Variants in ROBO2 observed in about 807,000 individuals in gnomAD.
ROBO2 encodes the protein roundabout homolog 2.
ROBO2 carries 53 observed loss-of-function variants against 160.8 expected under a neutral mutation model. That is an observed-to-expected ratio of 0.33 (90% confidence interval 0.26 to 0.41). The LOEUF (loss-of-function observed/expected upper bound fraction) is 0.41. Ranked by LOEUF, ROBO2 falls within the 10% of genes least tolerant of loss-of-function variation. The probability of loss-of-function intolerance (pLI) is 1.00; values close to 1 mark genes in which losing one functional copy is unlikely to be tolerated. For missense variants in ROBO2, 1,577 were observed against 1,722.4 expected (o/e 0.92, Z 1.49); for synonymous variants, 664 against 611.7 (o/e 1.09, Z -1.26).
chr3:77,258,606 G>T lies in ROBO2; in HGVS notation c.388+160266G>T, dbSNP rs553888964. 8.0e-5 allele frequency among the ~76,000 whole-genome samples: 11 copies of T among 138,286 alleles called. No homozygotes were observed. In the East Asian group the frequency reaches 2.2e-3, roughly 28 times the overall value. The allele number at this position is 138,286 out of a possible 152,430, so 90.7% of individuals were successfully genotyped here. On this transcript the variant is annotated intron_variant, in intron 2 of 25. Coordinates refer to ENST00000461745, the Ensembl canonical transcript of ROBO2. Reference sequence around the variant, plus strand: ...CCACTGCACTCCAGCCTGGGTGACAGACGGAGACTTTGTCTTAAAAAAAAA... The same window carrying T: ...CCACTGCACTCCAGCCTGGGTGACATACGGAGACTTTGTCTTAAAAAAAAA...
chr3:77,454,912 A>G (rs182683580), intron 2 of ROBO2, among the ~76,000 whole-genome samples: 98 of 152,324 alleles, frequency 6.4e-4, no homozygotes, highest in Non-Finnish European at 1.3e-3. Context: ...CTTATAGTGA[A>G]CACATTCCTA....
chr3:76,504,104 A>G (rs2080637183), intron 2 of ROBO2, among the ~76,000 whole-genome samples: 1 of 152,196 alleles, frequency 6.6e-6, no homozygotes, highest in African/African-American at 2.4e-5. Flanking sequence ...GCAAACGACA[A>G]TGATTTAAAT....
At chr3:76,698,129 T>TGG (rs1460895738) in intron 2 of ROBO2, among the ~76,000 whole-genome samples, 3 of 152,122 alleles carry the variant, frequency 2.0e-5, no homozygotes, top group East Asian at 1.9e-4. Flanking sequence ...ATTCACTGGT[T>TGG]AGGCTTTTTC....
chr3:77,550,824 C>G, exon 8 of ROBO2: 2 of 1,612,788 alleles, frequency 1.2e-6, no homozygotes, highest in Non-Finnish European at 1.7e-6. Context: ...ACAGAACCTA[C>G]TTTTCCCAAA....
chr3:76,161,592 T>C (rs12496209), intron 2 of ROBO2, among the ~76,000 whole-genome samples: 6,465 of 152,214 alleles, frequency 0.042, 168 homozygotes, highest in Middle Eastern at 0.085. Flanking sequence ...GCTTGCTCTC[T>C]GACAGACCCT....
chr3:76,782,802 G>T (rs186685337), intron 2 of ROBO2, among the ~76,000 whole-genome samples: 103 of 150,354 alleles, frequency 6.9e-4, no homozygotes, highest in African/African-American at 2.3e-3. Context: ...GTAGAATCTC[G>T]TTTTTTTATC....
chr3:77,196,147 G>C (rs937558998), intron 2 of ROBO2, among the ~76,000 whole-genome samples: 1 of 152,278 alleles, frequency 6.6e-6, no homozygotes, highest in African/African-American at 2.4e-5. Context: ...AGCTAATAGG[G>C]GAGCCCCAGA....
chr3:76,018,733 C>G (rs1475254715), intron 2 of ROBO2, among the ~76,000 whole-genome samples: 1 of 151,782 alleles, frequency 6.6e-6, no homozygotes, highest in Non-Finnish European at 1.5e-5. Context: ...TAGTTTCTCT[C>G]TGAAGTTCCA....
At chr3:76,234,090 G>A (rs1015806204) in intron 2 of ROBO2, among the ~76,000 whole-genome samples, 2 of 152,136 alleles carry the variant, frequency 1.3e-5, no homozygotes, top group African/African-American at 4.8e-5. Flanking sequence ...TTCCATTCCT[G>A]TGTTAGTTTG....
At chr3:76,334,815 A>G (rs1206584186) in intron 2 of ROBO2, among the ~76,000 whole-genome samples, 3 of 152,194 alleles carry the variant, frequency 2.0e-5, no homozygotes, top group African/African-American at 4.8e-5. Context: ...CTTTGGGACT[A>G]TTAGAAAAAT....
At chr3:76,908,162 G>C (rs4111592) in intron 2 of ROBO2, among the ~76,000 whole-genome samples, 29,966 of 151,740 alleles carry the variant, frequency 0.2, 3,167 homozygotes, top group Admixed American at 0.27. Flanking sequence ...TTAATACCAT[G>C]TTACAAATAA....
chr3:76,947,567 G>C (rs554810678), intron 2 of ROBO2, among the ~76,000 whole-genome samples: 1 of 152,040 alleles, frequency 6.6e-6, no homozygotes, highest in Non-Finnish European at 1.5e-5. Flanking sequence ...TTTTTTCTTA[G>C]TTAACAATTT....
intron 5 of ROBO2, among the ~76,000 whole-genome samples, chr3:77,496,488 A>G (rs905634689): frequency 6.6e-6 from 1 of 152,192 alleles, no homozygotes; most frequent in African/African-American, 2.4e-5. Flanking sequence ...CCAACCGTAG[A>G]CTAAATCAAC....
upstream of ROBO2, among the ~76,000 whole-genome samples, chr3:77,038,946 G>A (rs1397551630): frequency 2.6e-5 from 4 of 152,224 alleles, no homozygotes; most frequent in African/African-American, 4.8e-5. Flanking sequence ...TCCCTGGAGG[G>A]TAAAGACTTC....
intron 2 of ROBO2, among the ~76,000 whole-genome samples, chr3:76,222,626 G>A (rs762483463): frequency 7.2e-5 from 11 of 152,108 alleles, no homozygotes; most frequent in Non-Finnish European, 1.5e-4. Context: ...TCACCTGATG[G>A]TGCCTGACAT....
At chr3:77,317,042 TCC>T in intron 2 of ROBO2, 1 of 1,520,506 alleles carries the variant, frequency 6.6e-7, no homozygotes, top group South Asian at 1.1e-5. Flanking sequence ...CCAAACTCTG[TCC>T]CGTCATTCAC....
At chr3:76,208,709 A>G (rs1383975481) in intron 2 of ROBO2, among the ~76,000 whole-genome samples, 1 of 152,164 alleles carries the variant, frequency 6.6e-6, no homozygotes, top group East Asian at 1.9e-4. Context: ...ACACTTTACC[A>G]TAAATTCTGC....
At chr3:76,548,331 G>A (rs1181623868) in intron 2 of ROBO2, among the ~76,000 whole-genome samples, 2 of 152,064 alleles carry the variant, frequency 1.3e-5, no homozygotes, top group South Asian at 4.1e-4. Context: ...GTTTTTCCCA[G>A]TTGAATCTGG....
chr3:77,106,805 A>G (rs1025352241), intron 2 of ROBO2, among the ~76,000 whole-genome samples: 2 of 152,208 alleles, frequency 1.3e-5, no homozygotes, highest in Non-Finnish European at 2.9e-5. Context: ...AATTAAAAAT[A>G]CTTATACATT....
Sources: gnomAD v4.1 joint callset for allele counts (sites outside exome capture counted in the v4.1 genomes callset) on GRCh38, gnomAD v4.1.1 for gene constraint, MANE v1.5 for transcripts, NCBI Gene and HGNC (gene_info 2026-07-23, HGNC 2026-07-21) for gene names.